Variants in MLLT1 observed in about 807,000 individuals in gnomAD.
MLLT1 encodes the protein MLLT1 super elongation complex subunit.
In MLLT1, 11 loss-of-function variants were observed where a neutral mutation model predicts 55.1. That is an observed-to-expected ratio of 0.20 (90% CI 0.13 to 0.33). The LOEUF is 0.33. MLLT1 is among the 10% of genes least tolerant of loss of function. MLLT1 has a pLI of 1.00. For missense variants in MLLT1, 536 were observed against 760.6 expected, an observed-to-expected ratio of 0.70 and a Z score of 3.47; for synonymous variants, 323 against 320.1, an observed-to-expected ratio of 1.01 and a Z score of -0.10.
intron 3 of MLLT1, among the ~76,000 whole-genome samples, chr19:6,236,400 C>A (rs894643908): frequency 1.3e-5 from 2 of 152,152 alleles, no homozygotes; most frequent in Non-Finnish European, 2.9e-5. Flanking sequence ...AGCCAGCGCA[C>A]CCCGGCAGAG....
At chr19:6,271,603 C>G (rs2144962206) in intron 1 of MLLT1, among the ~76,000 whole-genome samples, 1 of 152,354 alleles carries the variant, frequency 6.6e-6, no homozygotes, top group Non-Finnish European at 1.5e-5. Context: ...CTCTTCATAC[C>G]TAGGTTGGCC....
intron 1 of MLLT1, among the ~76,000 whole-genome samples, chr19:6,275,253 A>T (rs2091422235): frequency 6.6e-6 from 1 of 152,210 alleles, no homozygotes; most frequent in South Asian, 2.1e-4. Flanking sequence ...CGGCTACTGC[A>T]TCTAATTCCC....
rs2090781366 is a variant in MLLT1 at position 6,212,227 on chromosome 19, TC to T, written c.*814del. On this transcript the variant is annotated 3_prime_UTR_variant, in exon 12 of 12. Coordinates refer to ENST00000252674, the MANE Select transcript of MLLT1 (RefSeq NM_005934.4). ...GGTGGCTCCCGGGCGCCCTGAGGAC[TC>T]GCTGCCCTTTGTAGTGTTGGCTGAC... 2 of 1,065,916 alleles carry T rather than the reference TC, an allele frequency of 1.9e-6. No homozygotes were observed. The highest frequency in any genetic ancestry group is 9.9e-5 in the East Asian group (2 of 20,116). 66.0% of individuals were successfully genotyped at this position (1,065,916 alleles called of 1,614,324 possible). A position where few individuals can be genotyped will look rare whatever the true frequency, so the allele number is the denominator to read the frequency against.
chr19:6,213,202 AG>A (rs773427827), intron 11 of MLLT1, 32 bp from the exon 12 acceptor site: 2 of 1,612,876 alleles, frequency 1.2e-6, no homozygotes, highest in Non-Finnish European at 1.7e-6. Flanking sequence ...CTTCAGGGGC[AG>A]GGGGCCAAGG....
chr19:6,212,790 G>A lies in MLLT1; in HGVS notation c.*252C>T, dbSNP rs1040273718. 6.3e-5 allele frequency: 58 copies of A among 927,530 alleles called. No individual in the cohort carries two copies. Among genetic ancestry groups the A allele is most frequent in the Non-Finnish European group, 7.5e-5 (52 of 690,864 alleles). The allele number at this position is 927,530 out of a possible 1,614,324, so 57.5% of individuals were successfully genotyped here. The stretch of plus-strand genomic sequence containing the variant: ...CCCAGAGCTGCCTTCAACACCAGCC[G>A]CTCTCTGAGGGGAGCCCAGAGAGCC... On this transcript the variant is annotated 3_prime_UTR_variant, in exon 12 of 12. Transcript: ENST00000252674.
chr19:6,221,940 G>C (rs1057031086), intron 6 of MLLT1, among the ~76,000 whole-genome samples, 181 bp downstream of exon 6: 1 of 152,248 alleles, frequency 6.6e-6, no homozygotes, highest in Non-Finnish European at 1.5e-5. Context: ...TCACCTGACA[G>C]ACAGGGAAAC....
rs952949696 is a variant in MLLT1 at position 6,240,608 on chromosome 19, C to G, written c.277-9895G>C. On this transcript the variant is annotated intron_variant, in intron 3 of 11. Coordinates refer to ENST00000252674, the MANE Select transcript of MLLT1 (RefSeq NM_005934.4). This position sits in a 1 kb window ranked among gnomAD's most constrained non-coding sequence, Gnocchi z 4.7. ...ACACCGTTGGGAGAAGAAAGCAAACCACGAGACTGAGAGCACCACGGAACC... is the reference window on the plus strand; with the variant it reads ...ACACCGTTGGGAGAAGAAAGCAAACGACGAGACTGAGAGCACCACGGAACC... Among the ~76,000 whole-genome samples the G allele has an allele frequency of 6.6e-6, 1 of 152,184 alleles. No homozygotes were observed. The highest frequency in any genetic ancestry group is 1.5e-5 in the Non-Finnish European group (1 of 68,028).
At chr19:6,255,617 T>C (rs1048294435) in intron 3 of MLLT1, among the ~76,000 whole-genome samples, 6 of 152,254 alleles carry the variant, frequency 3.9e-5, no homozygotes, top group Non-Finnish European at 7.3e-5. Flanking sequence ...AAGACATTCC[T>C]TGTTCATGGA....
At chr19:6,232,418 C>G (rs2335626) in intron 3 of MLLT1, among the ~76,000 whole-genome samples, 1 of 151,958 alleles carries the variant, frequency 6.6e-6, no homozygotes, top group Non-Finnish European at 1.5e-5. Context: ...CCTACTCCAC[C>G]CACACACAGA....
chr19:6,228,138 A>G (rs1187435869), intron 4 of MLLT1, among the ~76,000 whole-genome samples: 1 of 152,132 alleles, frequency 6.6e-6, no homozygotes, highest in Non-Finnish European at 1.5e-5. Flanking sequence ...CACTGACAGC[A>G]TGTGTGCCCC....
At chr19:6,248,831 T>C (rs1342471724) in intron 3 of MLLT1, among the ~76,000 whole-genome samples, 1 of 152,216 alleles carries the variant, frequency 6.6e-6, no homozygotes, top group Admixed American at 6.5e-5. Context: ...ATGTGAGATG[T>C]TAACATTAAG....
rs776085318 is a variant in MLLT1 at position 6,230,757 on chromosome 19, T to G, written c.277-44A>C. On this transcript the variant is annotated intron_variant, in intron 3 of 11. Coordinates refer to ENST00000252674, the MANE Select transcript of MLLT1 (RefSeq NM_005934.4). The surrounding 1 kb of genome is among the most constrained non-coding windows in gnomAD (Gnocchi z 9.0). ...GAAAGTCTGCATCAGAGGGTGGCCG[T>G]GGTGCAGGGACACAGCTCCCCATTG... The G allele has an allele frequency of 3.1e-6, 5 of 1,609,710 alleles. No homozygotes were observed. The East Asian group carries it at 1.1e-4, about 36-fold the overall frequency.
chr19:6,265,038 C>CAAAAAAAAAAAAAAAAAAAAAAA (rs928827048), intron 2 of MLLT1, among the ~76,000 whole-genome samples: 4 of 21,208 alleles, frequency 1.9e-4, no homozygotes, highest in Admixed American at 3.8e-4. Flanking sequence ...TAGTGAACAG[C>CAAAAAAAAAAAAAAAAAAAAAAA]AAAAAAAAAA....
In MLLT1 at chr19:6,230,764, G is replaced by T. The variant is rs1410436801; in HGVS notation, c.277-51C>A. 2.5e-6 allele frequency: 4 copies of T among 1,604,428 alleles called. No individual in the cohort carries two copies. The African/African-American group carries it at 5.4e-5, about 21-fold the overall frequency. On this transcript the variant is annotated intron_variant, in intron 3 of 11. Transcript: ENST00000252674. This position sits in a 1 kb window ranked among gnomAD's most constrained non-coding sequence, Gnocchi z 9.0. Reference sequence around the variant, plus strand: ...TGCATCAGAGGGTGGCCGTGGTGCAGGGACACAGCTCCCCATTGGCCCTGG... The same window carrying T: ...TGCATCAGAGGGTGGCCGTGGTGCATGGACACAGCTCCCCATTGGCCCTGG...
rs2090986012 is a variant in MLLT1 at position 6,229,500 on chromosome 19, A to G, written c.420+1070T>C. Among the ~76,000 whole-genome samples, 1 of 149,924 alleles carries G rather than the reference A, an allele frequency of 6.7e-6. No homozygotes were observed. The highest frequency in any genetic ancestry group is 2.2e-4 in the South Asian group (1 of 4,604). On this transcript the variant is annotated intron_variant, in intron 4 of 11. Coordinates refer to ENST00000252674, the MANE Select transcript of MLLT1 (RefSeq NM_005934.4). The surrounding 1 kb of genome is among the most constrained non-coding windows in gnomAD (Gnocchi z 5.2). ...TCAGGAGGCGACCCACCCCACCCGC[A>G]TACCCCACACGTCATACATGCCACA... is the stretch of plus-strand genomic sequence containing the variant.
rs943150483 is a variant in MLLT1, at chr19:6,243,245, C to T, written c.277-12532G>A. Among the ~76,000 whole-genome samples, 5 of 152,256 alleles carry T rather than the reference C, an allele frequency of 3.3e-5. No individual in the cohort carries two copies. The East Asian group carries it at 7.8e-4, about 24-fold the overall frequency. ...CATGCATGTCAGTGGGGGCCCCCAC[C>T]CCGGGAAGGCTCGGGGAGGCCGGCA... On this transcript the variant is annotated intron_variant, in intron 3 of 11. Coordinates refer to ENST00000252674, the MANE Select transcript of MLLT1 (RefSeq NM_005934.4).
rs1338936697 is a variant in MLLT1, at chr19:6,226,501, CT to C, written c.546+475del. 2.6e-5 allele frequency among the ~76,000 whole-genome samples: 4 copies of C among 152,188 alleles called. No homozygotes were observed. Among genetic ancestry groups the C allele is most frequent in the African/African-American group, 9.7e-5 (4 of 41,450 alleles). ...TCAGCTGGCACCCACCTGGCTTCCC[CT>C]GCCCTTCCCCCACGAAACTCTGCAG... On this transcript the variant is annotated intron_variant, in intron 5 of 11. Coordinates refer to ENST00000252674, the MANE Select transcript of MLLT1 (RefSeq NM_005934.4). The surrounding 1 kb of genome is among the most constrained non-coding windows in gnomAD (Gnocchi z 6.3).
At position 6,246,106 on chromosome 19, in the gene MLLT1, GAA is replaced by G. The variant is rs58578599; in HGVS notation, c.277-15395_277-15394del. ...AAAGAAAATAAAAAGAAAACAAAGA[GAA>G]AAAAAAAAAAAGGAAAACAACCTGA... On this transcript the variant is annotated intron_variant, in intron 3 of 11. Coordinates refer to ENST00000252674, the MANE Select transcript of MLLT1 (RefSeq NM_005934.4). Among the ~76,000 whole-genome samples the G allele has an allele frequency of 1.5e-3, 188 of 127,256 alleles. 1 individual carries two copies. Among genetic ancestry groups the G allele is most frequent in the African/African-American group, 4.8e-3 (172 of 35,600 alleles). The allele number at this position is 127,256 out of a possible 152,430, so 83.5% of individuals were successfully genotyped here. A position where few individuals can be genotyped will look rare whatever the true frequency, so the allele number is the denominator to read the frequency against.
rs1028155794 is a variant in MLLT1 at position 6,262,061 on chromosome 19, G to C, written c.276+167C>G. Among the ~76,000 whole-genome samples the C allele has an allele frequency of 2.6e-5, 4 of 152,094 alleles. No individual in the cohort carries two copies. The highest frequency in any genetic ancestry group is 6.5e-5 in the Admixed American group (1 of 15,274). ...TGAAACCAGCCGTGTCCTGGCCCCC[G>C]ACGTCCCCAGGAATGGAGATGGTGA... On this transcript the variant is annotated intron_variant, in intron 3 of 11. Transcript: ENST00000252674. The surrounding 1 kb of genome is among the most constrained non-coding windows in gnomAD (Gnocchi z 4.4).
Sources: allele counts gnomAD v4.1 joint callset (sites outside exome capture counted in the v4.1 genomes callset), GRCh38; gene constraint gnomAD v4.1.1; non-coding constraint Gnocchi (gnomAD v3.1); transcripts MANE v1.5; gene names NCBI Gene and HGNC (gene_info 2026-07-23, HGNC 2026-07-21).